Variants in KHDRBS2 observed in about 807,000 individuals in gnomAD.
KHDRBS2 encodes the protein KH RNA binding domain containing, signal transduction associated 2.
Under a neutral mutation model 44.3 loss-of-function variants are expected in KHDRBS2, and 26 were observed. That is an observed-to-expected ratio of 0.59 (90% CI 0.43 to 0.81). The LOEUF (loss-of-function observed/expected upper bound fraction) is 0.81, where lower values mean the gene tolerates loss of function less well. KHDRBS2 is among the 40% of genes least tolerant of loss of function. The pLI, the probability that KHDRBS2 is intolerant of heterozygous loss-of-function variation, is 0.00. For missense variants in KHDRBS2, 476 were observed against 433.1 expected (o/e 1.10, Z -0.88); for synonymous variants, 194 against 151.1 (o/e 1.28, Z -2.08).
chr6:61,685,569 C>T (rs566441513), intron 8 of KHDRBS2, among the ~76,000 whole-genome samples: 3 of 151,862 alleles, frequency 2.0e-5, no homozygotes, highest in South Asian at 2.1e-4. Flanking sequence ...ACTTAGGCTG[C>T]TATTTTACCC....
At chr6:61,954,402 T>C (rs1343141887) in intron 4 of KHDRBS2, among the ~76,000 whole-genome samples, 1 of 90,318 alleles carries the variant, frequency 1.1e-5, no homozygotes, top group South Asian at 3.2e-4. Context: ...TATACGTATG[T>C]ATGCATGCAT....
At chr6:61,614,639 T>C in the KHDRBS2 span, among the ~76,000 whole-genome samples, 36,116 of 152,070 alleles carry the variant, frequency 0.24, 5,293 homozygotes, top group Middle Eastern at 0.34. Context: ...GTTCAGTTAG[T>C]CCACTGACAT....
intron 2 of KHDRBS2, among the ~76,000 whole-genome samples, chr6:62,168,533 G>A (rs1183536923): frequency 3.9e-5 from 6 of 152,078 alleles, no homozygotes; most frequent in African/African-American, 1.4e-4. Flanking sequence ...ATGTCTAGTA[G>A]TAACGAAATA....
intron 6 of KHDRBS2, among the ~76,000 whole-genome samples, chr6:61,746,258 G>A (rs937419182): frequency 6.6e-6 from 1 of 152,030 alleles, no homozygotes; most frequent in African/African-American, 2.4e-5. Flanking sequence ...GTCATCTAAG[G>A]TTTAAGCCTC....
Position 62,206,637 on chromosome 6 carries a change from A to G in KHDRBS2, c.92-29325T>C, listed in dbSNP as rs1280239710. On this transcript the variant is annotated intron_variant, in intron 1 of 8. Transcript: ENST00000281156. ...ATAATAAGATTTTCAAGTCAGGAATAATTTTGATAATACTAACATAATTAA... is the reference window on the plus strand; with the variant it reads ...ATAATAAGATTTTCAAGTCAGGAATGATTTTGATAATACTAACATAATTAA... Among the ~76,000 whole-genome samples the G allele has an allele frequency of 1.3e-5, 2 of 152,070 alleles. 1 individual carries two copies. The highest frequency in any genetic ancestry group is 2.9e-5 in the Non-Finnish European group (2 of 67,942).
At chr6:62,146,902 A>T (rs1814060240) in intron 2 of KHDRBS2, among the ~76,000 whole-genome samples, 1 of 151,914 alleles carries the variant, frequency 6.6e-6, no homozygotes, top group Non-Finnish European at 1.5e-5. Context: ...TCCATGGGTA[A>T]AGGAGCCCAA....
chr6:62,183,708 A>G (rs1482293642), intron 1 of KHDRBS2, among the ~76,000 whole-genome samples: 3 of 151,610 alleles, frequency 2.0e-5, no homozygotes, highest in African/African-American at 7.2e-5. Flanking sequence ...AGAACATGGA[A>G]TTCGTCTGTG....
Position 62,199,339 on chromosome 6 carries a change from C to A in KHDRBS2, c.92-22027G>T, listed in dbSNP as rs193070012. On this transcript the variant is annotated intron_variant, in intron 1 of 8. Transcript: ENST00000281156. The stretch of plus-strand genomic sequence containing the variant: ...GACATGATTGTATATCTAGAAAACC[C>A]CCTTGTCTCAGCCCAAAATCTCCTT... 4.4e-3 allele frequency among the ~76,000 whole-genome samples: 671 copies of A among 152,170 alleles called. 9 individuals are homozygous for A. Among genetic ancestry groups the A allele is most frequent in the African/African-American group, 0.015 (638 of 41,514 alleles).
chr6:62,036,798 A>C (rs766977008), intron 3 of KHDRBS2, among the ~76,000 whole-genome samples: 1 of 152,012 alleles, frequency 6.6e-6, no homozygotes, highest in Non-Finnish European at 1.5e-5. Flanking sequence ...TTACTGTTTC[A>C]TGGGCAACAA....
chr6:62,125,254 A>G (rs574575981), intron 2 of KHDRBS2, among the ~76,000 whole-genome samples: 150 of 152,316 alleles, frequency 9.8e-4, no homozygotes, highest in Non-Finnish European at 1.8e-3. Flanking sequence ...CATTGTCACA[A>G]TAGAAAGCAA....
chr6:61,592,544 A>C, the KHDRBS2 span, among the ~76,000 whole-genome samples: 1 of 152,214 alleles, frequency 6.6e-6, no homozygotes, highest in Non-Finnish European at 1.5e-5. Flanking sequence ...AGTTTATTTC[A>C]CTGAAGTAGA....
intron 7 of KHDRBS2, among the ~76,000 whole-genome samples, chr6:61,705,063 C>T (rs913053195): frequency 2.0e-5 from 3 of 151,828 alleles, no homozygotes; most frequent in Non-Finnish European, 2.9e-5. Context: ...CACTCATCAA[C>T]TCAAAAGCAT....
chr6:62,230,041 C>A (rs1338543222), intron 1 of KHDRBS2, among the ~76,000 whole-genome samples: 1 of 152,160 alleles, frequency 6.6e-6, no homozygotes, highest in African/African-American at 2.4e-5. Context: ...GTCTAGAGAT[C>A]ACGATTCTAA....
chr6:61,760,674 A>G (rs1177213824), intron 6 of KHDRBS2, among the ~76,000 whole-genome samples: 1 of 152,134 alleles, frequency 6.6e-6, no homozygotes, highest in Non-Finnish European at 1.5e-5. Context: ...AAAAGCCATT[A>G]GCAATGGAAT....
At chr6:61,650,558 C>T in the KHDRBS2 span, among the ~76,000 whole-genome samples, 3 of 151,470 alleles carry the variant, frequency 2.0e-5, no homozygotes, top group South Asian at 4.2e-4. Context: ...TAAGGGTTAA[C>T]GATGTTATTA....
At chr6:61,622,562 T>C in the KHDRBS2 span, among the ~76,000 whole-genome samples, 1 of 152,136 alleles carries the variant, frequency 6.6e-6, no homozygotes, top group Admixed American at 6.6e-5. Context: ...GTGTCTTTTA[T>C]TGGAACAAAA....
chr6:62,278,669 G>A lies in KHDRBS2; in HGVS notation c.91+7189C>T, dbSNP rs1451783302. Among the ~76,000 whole-genome samples the A allele has an allele frequency of 3.9e-5, 6 of 152,316 alleles. No homozygotes were observed. In the East Asian group the frequency reaches 1.2e-3, roughly 29 times the overall value. Reference sequence around the variant, plus strand: ...ATAAGAAGACTTTCTTTTCTAGAAAGTGGAAAAAAGGAGGCCAATTGTCTC... The same window carrying A: ...ATAAGAAGACTTTCTTTTCTAGAAAATGGAAAAAAGGAGGCCAATTGTCTC... On this transcript the variant is annotated intron_variant, in intron 1 of 8. Transcript: ENST00000281156.
chr6:61,790,923 T>C (rs1784543659), intron 6 of KHDRBS2, among the ~76,000 whole-genome samples: 1 of 151,560 alleles, frequency 6.6e-6, no homozygotes, highest in Non-Finnish European at 1.5e-5. Context: ...AGATAGGTTA[T>C]GATTTGCAAC....
At chr6:61,829,336 T>G (rs996948034) in intron 6 of KHDRBS2, among the ~76,000 whole-genome samples, 3 of 152,140 alleles carry the variant, frequency 2.0e-5, no homozygotes, top group African/African-American at 7.2e-5. Context: ...TAAATTTTTT[T>G]GTATTTTAAT....
Sources: allele counts gnomAD v4.1 joint callset (sites outside exome capture counted in the v4.1 genomes callset), GRCh38; gene constraint gnomAD v4.1.1; transcripts MANE v1.5; gene names NCBI Gene and HGNC (gene_info 2026-07-23, HGNC 2026-07-21).